Variants in ACY3 observed in about 807,000 individuals in gnomAD.
ACY3 encodes the protein aminoacylase 3.
Under a neutral mutation model 24.6 loss-of-function variants are expected in ACY3, and 20 were observed. That is an observed-to-expected ratio of 0.81 (90% CI 0.57 to 1.18). The LOEUF (loss-of-function observed/expected upper bound fraction) is 1.18, where lower values mean the gene tolerates loss of function less well. Among genes scored for constraint, ACY3 ranks in the 50% most tolerant of loss-of-function variants. The pLI is 0.00. For missense variants in ACY3, 423 were observed against 426.8 expected, an observed-to-expected ratio of 0.99 and a Z score of 0.08; for synonymous variants, 174 against 188.4, an observed-to-expected ratio of 0.92 and a Z score of 0.62.
At position 67,644,226 on chromosome 11, in the gene ACY3, C is replaced by T. The variant is rs572066812; in HGVS notation, c.744+534G>A. On this transcript the variant is annotated intron_variant, in intron 7 of 7. Transcript: ENST00000255082. ...TGCACCAGACCCTATTCAACAATGA[C>T]CCCCTGTGGCAGCAAGCAGAGCAGC... Among the ~76,000 whole-genome samples, 4 of 152,118 alleles carry T rather than the reference C, an allele frequency of 2.6e-5. No homozygotes were observed. In the South Asian group the frequency reaches 6.2e-4, roughly 24 times the overall value.
chr11:67,649,837 CAT>C (rs1217858016), intron 1 of ACY3, among the ~76,000 whole-genome samples: 3 of 145,830 alleles, frequency 2.1e-5, no homozygotes, highest in South Asian at 2.2e-4. Flanking sequence ...TGTGTGTGTA[CAT>C]GTGTGCGTGT....
At position 67,644,694 on chromosome 11, in the gene ACY3, C is replaced by T. The variant is rs1855472560; in HGVS notation, c.744+66G>A. 5 of 1,445,094 alleles carry T rather than the reference C, an allele frequency of 3.5e-6. No homozygotes were observed. In the South Asian group the frequency reaches 5.1e-5, roughly 15 times the overall value. 89.5% of individuals were successfully genotyped at this position (1,445,094 alleles called of 1,614,324 possible). A position where few individuals can be genotyped will look rare whatever the true frequency, so the allele number is the denominator to read the frequency against. ...TGGGGCTCAGTTTTCCTTGACAATC[C>T]TCCTCCCCAAGGCTGTGGCCCCAGA... is the stretch of plus-strand genomic sequence containing the variant. On this transcript the variant is annotated intron_variant, in intron 7 of 7. Transcript: ENST00000255082.
In ACY3 at chr11:67,642,820, G is replaced by A. The variant is rs1473330184; in HGVS notation, c.864C>T (p.Tyr288=). The change falls in exon 8 of 8, where the codon TAC becomes TAT. Residue 288 remains tyrosine, a synonymous_variant. Coordinates refer to ENST00000255082, the MANE Select transcript of ACY3 (RefSeq NM_080658.2). The part of the protein sequence containing the change: ...VYPVFINEAA[Y]YEKGVAFVQT... ...GGACAAAGGCAACGCCCTTCTCATA[G>A]TAGGCAGCCTCGTTAATGAACACGG... 4.3e-6 allele frequency: 7 copies of A among 1,614,060 alleles called. No homozygotes were observed. Among genetic ancestry groups the A allele is most frequent in the Non-Finnish European group, 5.9e-6 (7 of 1,180,054 alleles).
chr11:67,644,998 C>G, intron 6 of ACY3, 47 bp downstream of exon 6: 1 of 1,604,016 alleles, frequency 6.2e-7, no homozygotes, highest in Non-Finnish European at 8.5e-7. Flanking sequence ...CTGAGCCAGA[C>G]CTGCTCTTCC....
In ACY3 at chr11:67,650,725, G is replaced by C. The variant is rs1357908081; in HGVS notation, c.-237C>G. The C allele has an allele frequency of 6.6e-6, 1 of 152,218 alleles. No individual in the cohort carries two copies. The highest frequency in any genetic ancestry group is 1.5e-5 in the Non-Finnish European group (1 of 68,046). The allele number at this position is 152,218 out of a possible 1,614,324, so 9.4% of individuals were successfully genotyped here. ...TGTTCTGTGCTGCTCCTTCAGGGAAGAAAGTGGACTTTGCCCCGTGGGTTG... is the reference window on the plus strand; with the variant it reads ...TGTTCTGTGCTGCTCCTTCAGGGAACAAAGTGGACTTTGCCCCGTGGGTTG... On this transcript the variant is annotated 5_prime_UTR_variant, in exon 1 of 8. Coordinates refer to ENST00000255082, the MANE Select transcript of ACY3 (RefSeq NM_080658.2).
intron 3 of ACY3, 115 bp downstream of exon 3, chr11:67,646,693 C>A (rs1855522226): frequency 4.0e-6 from 4 of 1,006,644 alleles, no homozygotes; most frequent in Non-Finnish European, 6.1e-6. Flanking sequence ...GCCACATAGG[C>A]AGAGGGGAAG....
rs1222543625 is a variant in ACY3, at chr11:67,645,340, T to G, written c.473A>C (p.Gln158Pro). The change falls in exon 5 of 8, where the codon CAG becomes CCG. Residue 158 changes from glutamine (Q) to proline (P), a missense_variant. Coordinates refer to ENST00000255082, the MANE Select transcript of ACY3 (RefSeq NM_080658.2). The part of the protein sequence containing the change: ...PELSCQVFLY[Q>P]RSGEESYNLD... ...GTTGTAGCTCTCCTCCCCAGACCGCTGGTACAGGAAGACCTGGCAGGACAG... is the reference window on the plus strand; with the variant it reads ...GTTGTAGCTCTCCTCCCCAGACCGCGGGTACAGGAAGACCTGGCAGGACAG... 6.2e-7 allele frequency: 1 copy of G among 1,613,694 alleles called. No individual in the cohort carries two copies. Among genetic ancestry groups the G allele is most frequent in the East Asian group, 2.2e-5 (1 of 44,872 alleles).
chr11:67,645,294 A>C lies in ACY3; in HGVS notation c.519T>G (p.Asn173Lys). The change falls in exon 5 of 8, where the codon AAT becomes AAG. Residue 173 changes from asparagine (N) to lysine (K), a missense_variant. Physicochemically the swap from Asn to Lys is moderately conservative, Grantham distance 94. Transcript: ENST00000255082. ...CAGAAGGCTGCGGCCCACCCAGTCC[A>C]TTTTTGGCCACAGAGTCCAGGTTGT... The part of the protein sequence containing the change: ...ESYNLDSVAK[N>K]GLGLELGPQP... 6.2e-7 allele frequency: 1 copy of C among 1,613,336 alleles called. No individual in the cohort carries two copies. Among genetic ancestry groups the C allele is most frequent in the African/African-American group, 1.3e-5 (1 of 74,918 alleles).
rs775215471 is a variant in ACY3 at position 67,642,715 on chromosome 11, T to C, written c.*9A>G. ...TGGGAAGACTGAGGTTGGGGAGGTG[T>C]GTCTTGGGTTAGGAAGCTGGGCTCG... is the stretch of plus-strand genomic sequence containing the variant. On this transcript the variant is annotated 3_prime_UTR_variant, in exon 8 of 8. Coordinates refer to ENST00000255082, the MANE Select transcript of ACY3 (RefSeq NM_080658.2). 1.7e-4 allele frequency: 275 copies of C among 1,613,540 alleles called. No homozygotes were observed. The highest frequency in any genetic ancestry group is 2.3e-4 in the Non-Finnish European group (267 of 1,179,750).
rs957241929 is a variant in ACY3, at chr11:67,645,301, G to A, written c.512C>T (p.Ala171Val). 2.5e-6 allele frequency: 4 copies of A among 1,613,530 alleles called. No homozygotes were observed. Among genetic ancestry groups the A allele is most frequent in the Non-Finnish European group, 3.4e-6 (4 of 1,179,990 alleles). The change falls in exon 5 of 8, where the codon GCC (alanine) becomes GTC (valine). Residue 171 changes from alanine (A) to valine (V), a missense_variant. Ala to Val is a moderately conservative substitution (Grantham distance 64). Transcript: ENST00000255082. Reference protein sequence around the residue: ...GEESYNLDSVAKNGLGLELGP... With the variant: ...GEESYNLDSVVKNGLGLELGP... ...CTGCGGCCCACCCAGTCCATTTTTG[G>A]CCACAGAGTCCAGGTTGTAGCTCTC...
chr11:67,644,819 C>G lies in ACY3; in HGVS notation c.685G>C (p.Val229Leu). 6.3e-7 allele frequency: 1 copy of G among 1,576,862 alleles called. No individual in the cohort carries two copies. Among genetic ancestry groups the G allele is most frequent in the Non-Finnish European group, 8.6e-7 (1 of 1,161,464 alleles). ...CCGGCCTCGGTGCGGGGGAAGTCCA[C>G]GACGCCCACGGGTCTATAGGCTTCC... ...EMEAYRPVGV[V>L]DFPRTEAGHL... The change falls in exon 7 of 8, where the codon GTG becomes CTG. Residue 229 changes from valine (V) to leucine (L), a missense_variant. Transcript: ENST00000255082.
At chr11:67,644,611 C>T in intron 7 of ACY3, 149 bp downstream of exon 7, 1 of 728,950 alleles carries the variant, frequency 1.4e-6, no homozygotes, top group Non-Finnish European at 2.2e-6. Flanking sequence ...CCCAGCCTCC[C>T]ATCCTGCTCC....
intron 2 of ACY3, among the ~76,000 whole-genome samples, chr11:67,647,265 G>T (rs1008872585): frequency 2.6e-5 from 4 of 152,214 alleles, no homozygotes; most frequent in Non-Finnish European, 4.4e-5. Context: ...GAGAAAAGAA[G>T]TTTCTTTTTC....
chr11:67,646,111 T>C (rs988986720), intron 3 of ACY3, among the ~76,000 whole-genome samples: 1 of 152,208 alleles, frequency 6.6e-6, no homozygotes, highest in African/African-American at 2.4e-5. Flanking sequence ...CCCACCTGCC[T>C]GCCCACTTGC....
chr11:67,642,995 AG>A (rs1251500054), intron 7 of ACY3, 56 bp from the exon 8 acceptor site: 7 of 1,538,578 alleles, frequency 4.5e-6, no homozygotes, highest in East Asian at 2.3e-5. Context: ...CTGGCCCCAG[AG>A]GGGGGTGACC....
chr11:67,645,582 A>G (rs1855499132), intron 4 of ACY3, 110 bp downstream of exon 4: 1 of 1,382,982 alleles, frequency 7.2e-7, no homozygotes, highest in Non-Finnish European at 9.7e-7. Flanking sequence ...CCCAGGGGAA[A>G]CTAGGCCCGG....
Position 67,642,591 on chromosome 11 carries a change from G to A in ACY3, c.*133C>T. The A allele has an allele frequency of 3.4e-6, 3 of 879,662 alleles. No homozygotes were observed. The highest frequency in any genetic ancestry group is 2.0e-5 in the Admixed American group (1 of 49,190). 54.5% of individuals were successfully genotyped at this position (879,662 alleles called of 1,614,324 possible). ...TCCATTTTATAGAAAGGGAAATTGA[G>A]GCCAGGGGTTGGGGAGGCCTGGCAA... On this transcript the variant is annotated 3_prime_UTR_variant, in exon 8 of 8. Transcript: ENST00000255082.
chr11:67,645,487 G>C (rs1855497215), intron 4 of ACY3, 107 bp from the exon 5 acceptor site: 2 of 1,325,420 alleles, frequency 1.5e-6, no homozygotes, highest in East Asian at 2.5e-5. Flanking sequence ...TCCTTGGCCA[G>C]GTCTCCCTCT....
At chr11:67,648,774 C>T (rs1338103179) in intron 1 of ACY3, among the ~76,000 whole-genome samples, 1 of 152,192 alleles carries the variant, frequency 6.6e-6, no homozygotes, top group African/African-American at 2.4e-5. Flanking sequence ...CCTCCACACC[C>T]AAGGCTTCGT....
Sources: allele counts gnomAD v4.1 joint callset (sites outside exome capture counted in the v4.1 genomes callset), GRCh38; gene constraint gnomAD v4.1.1; transcripts MANE v1.5; gene names NCBI Gene and HGNC (gene_info 2026-07-23, HGNC 2026-07-21).